KLF12: variants seen among roughly 807,000 people sequenced by gnomAD.
The protein encoded by KLF12 is KLF transcription factor 12.
KLF12 carries 9 observed loss-of-function variants against 37.8 expected under a neutral mutation model. The ratio of observed to expected loss-of-function variants is 0.24; its 90% CI spans 0.14 to 0.42. KLF12 has a LOEUF of 0.42. KLF12 is among the 10% of genes least tolerant of loss of function. The pLI is 1.00. For synonymous variants in KLF12, 208 were observed against 202.1 expected, an observed-to-expected ratio of 1.03 and a Z score of -0.25; for missense variants, 411 against 516.0, an observed-to-expected ratio of 0.80 and a Z score of 1.97.
chr13:74,201,494 T>C, the KLF12 span, among the ~76,000 whole-genome samples: 1 of 152,200 alleles, frequency 6.6e-6, no homozygotes. Flanking sequence ...AATTCATGTC[T>C]ACTTATTCCC....
chr13:74,233,952 T>C, the KLF12 span, among the ~76,000 whole-genome samples: 1 of 152,182 alleles, frequency 6.6e-6, no homozygotes. Flanking sequence ...TGACATACTT[T>C]GATATAAATC....
chr13:73,921,084 TG>T lies in KLF12; in HGVS notation c.123+22896del, dbSNP rs1423677217. ...ACTTTGTCCCAAGCTACTTACTGTCTGTTTTTCAGGCCCACTCGTCTCCCCT... is the reference window on the plus strand; with the variant it reads ...ACTTTGTCCCAAGCTACTTACTGTCTTTTTTCAGGCCCACTCGTCTCCCCT... On this transcript the variant is annotated intron_variant, in intron 3 of 7. Coordinates refer to ENST00000377669, the MANE Select transcript of KLF12 (RefSeq NM_007249.5). Among the ~76,000 whole-genome samples the T allele has an allele frequency of 2.6e-5, 4 of 152,260 alleles. No individual in the cohort carries two copies. In the East Asian group the frequency reaches 7.7e-4, roughly 29 times the overall value.
intron 6 of KLF12, among the ~76,000 whole-genome samples, chr13:73,735,128 TAAAA>T (rs34423201): frequency 7.5e-5 from 7 of 93,624 alleles, no homozygotes; most frequent in African/African-American, 2.3e-4. Context: ...CCTCTACTAT[TAAAA>T]AAAAAAAAAA....
At chr13:73,804,245 G>C (rs1412125713) in intron 5 of KLF12, among the ~76,000 whole-genome samples, 2 of 152,092 alleles carry the variant, frequency 1.3e-5, no homozygotes, top group Non-Finnish European at 2.9e-5. Flanking sequence ...TTAGACTTTA[G>C]TTCATCCCAT....
At chr13:73,879,220 T>G (rs1886864909) in intron 3 of KLF12, among the ~76,000 whole-genome samples, 1 of 152,330 alleles carries the variant, frequency 6.6e-6, no homozygotes, top group South Asian at 2.1e-4. Flanking sequence ...TGGTTTTATT[T>G]CTGCTTATGC....
the KLF12 span, among the ~76,000 whole-genome samples, chr13:74,271,968 T>C: frequency 4.4e-3 from 671 of 152,336 alleles, 2 homozygotes; most frequent in Non-Finnish European, 7.3e-3. Flanking sequence ...ACTCCTTCAG[T>C]GACTTGTATT....
At chr13:74,291,889 C>T in the KLF12 span, among the ~76,000 whole-genome samples, 1 of 152,152 alleles carries the variant, frequency 6.6e-6, no homozygotes. Flanking sequence ...AAAATGTCTT[C>T]TCAGCTGTGT....
the KLF12 span, among the ~76,000 whole-genome samples, chr13:74,154,855 G>A: frequency 1.3e-5 from 2 of 152,178 alleles, no homozygotes; most frequent in Admixed American, 6.5e-5. Context: ...TGGGTTCTCC[G>A]TATAGCTTGA....
chr13:74,044,791 G>A (rs1893497562), intron 1 of KLF12, among the ~76,000 whole-genome samples: 1 of 151,258 alleles, frequency 6.6e-6, no homozygotes, highest in Non-Finnish European at 1.5e-5. Context: ...GTTGCGGTAA[G>A]CCAAGATCAC....
chr13:74,078,997 G>C (rs111447227), intron 1 of KLF12, among the ~76,000 whole-genome samples: 1 of 152,184 alleles, frequency 6.6e-6, no homozygotes, highest in African/African-American at 2.4e-5. Context: ...GGTCAGGAGA[G>C]AGTGGGAGAG....
chr13:74,239,534 A>G, the KLF12 span, among the ~76,000 whole-genome samples: 2 of 117,696 alleles, frequency 1.7e-5, no homozygotes, highest in East Asian at 2.3e-4. Context: ...TAATGTTGAC[A>G]GTGGGGTGTT....
intron 6 of KLF12, among the ~76,000 whole-genome samples, chr13:73,760,144 C>T (rs895164215): frequency 6.6e-6 from 1 of 151,980 alleles, no homozygotes; most frequent in Non-Finnish European, 1.5e-5. Flanking sequence ...TGATTCACAC[C>T]CGGAATGCAT....
At chr13:73,990,011 G>A (rs996055511) in intron 2 of KLF12, among the ~76,000 whole-genome samples, 10 of 151,890 alleles carry the variant, frequency 6.6e-5, no homozygotes, top group South Asian at 2.1e-4. Context: ...TAAAAGAAAC[G>A]AAAATAAGTC....
At chr13:73,965,716 C>G (rs763612745) in intron 2 of KLF12, among the ~76,000 whole-genome samples, 17 of 152,168 alleles carry the variant, frequency 1.1e-4, no homozygotes, top group Non-Finnish European at 1.9e-4. Flanking sequence ...CTTTCCCTTT[C>G]CAGAAGCAAA....
chr13:74,193,104 G>A, the KLF12 span, among the ~76,000 whole-genome samples: 2 of 150,684 alleles, frequency 1.3e-5, no homozygotes, highest in East Asian at 4.0e-4. Flanking sequence ...TCAGCCTCCC[G>A]AGTAGTTGGG....
At chr13:73,999,847 A>G (rs1892225875) in intron 1 of KLF12, among the ~76,000 whole-genome samples, 1 of 152,192 alleles carries the variant, frequency 6.6e-6, no homozygotes, top group South Asian at 2.1e-4. Context: ...GAACTCCATC[A>G]TATCCAGCAT....
At chr13:74,270,959 G>A in the KLF12 span, among the ~76,000 whole-genome samples, 1 of 152,156 alleles carries the variant, frequency 6.6e-6, no homozygotes, top group Non-Finnish European at 1.5e-5. Context: ...CCCCCAGGCT[G>A]GTACCGGTTC....
chr13:73,994,839 A>T, intron 2 of KLF12, 151 bp downstream of exon 2: 2 of 587,604 alleles, frequency 3.4e-6, no homozygotes, highest in South Asian at 4.2e-5. Context: ...CTAAAAGGAA[A>T]AATTACATTT....
chr13:73,859,639 T>C (rs1035620331), intron 3 of KLF12, among the ~76,000 whole-genome samples: 4 of 152,226 alleles, frequency 2.6e-5, no homozygotes, highest in Non-Finnish European at 4.4e-5. Flanking sequence ...GTTACCAACA[T>C]CATAATGTCT....
Sources: allele counts gnomAD v4.1 joint callset (sites outside exome capture counted in the v4.1 genomes callset), GRCh38; gene constraint gnomAD v4.1.1; transcripts MANE v1.5; gene names NCBI Gene and HGNC (gene_info 2026-07-23, HGNC 2026-07-21).